The following ITFG1 variants were observed in gnomAD, a reference collection of about 807,000 sequenced individuals.
ITFG1 encodes the protein T-cell immunomodulatory protein.
Under a neutral mutation model 81.8 loss-of-function variants are expected in ITFG1, and 34 were observed. The observed-to-expected ratio is 0.42, with a 90% CI of 0.32 to 0.55. The LOEUF (loss-of-function observed/expected upper bound fraction) is 0.55. ITFG1 is among the 20% of genes least tolerant of loss of function. The pLI is 0.17. For missense variants in ITFG1, 672 were observed against 755.4 expected (o/e 0.89, Z 1.29); for synonymous variants, 285 against 270.6 (o/e 1.05, Z -0.52).
At chr16:47,305,820 T>C (rs540815972) in intron 10 of ITFG1, among the ~76,000 whole-genome samples, 143 of 152,238 alleles carry the variant, frequency 9.4e-4, no homozygotes, top group South Asian at 2.9e-3. Context: ...ATTTCAGACA[T>C]GTAAAGTTTC....
chr16:47,448,855 A>G (rs1969353794), intron 5 of ITFG1: 1 of 152,146 alleles, frequency 6.6e-6, no homozygotes, highest in South Asian at 2.1e-4. Context: ...GCACATTATT[A>G]CATTATTTCA....
intron 5 of ITFG1, chr16:47,450,064 G>GA (rs1250359698): frequency 6.6e-6 from 1 of 152,404 alleles, no homozygotes; most frequent in Non-Finnish European, 1.5e-5. Flanking sequence ...GAGAGGAAAA[G>GA]AAAGGACAGG....
intron 8 of ITFG1, among the ~76,000 whole-genome samples, chr16:47,343,529 TA>T (rs1004914083): frequency 2.9e-4 from 44 of 151,946 alleles, no homozygotes; most frequent in African/African-American, 9.2e-4. Context: ...ACCACCCAGT[TA>T]AAAAATAGGT....
rs765916402 is a variant in ITFG1, at chr16:47,460,891, G to A, written c.155C>T (p.Ala52Val). 6.8e-6 allele frequency: 11 copies of A among 1,613,582 alleles called. No homozygotes were observed. Among genetic ancestry groups the A allele is most frequent in the Non-Finnish European group, 8.5e-6 (10 of 1,180,030 alleles). The change falls in exon 1 of 18, where the codon GCT (alanine) becomes GTT (valine). Residue 52 changes from alanine to valine, a missense_variant. Physicochemically the swap from Ala to Val is moderately conservative, Grantham distance 64. Transcript: ENST00000320640. ...CTTGTCGGAGTTGAGGTCCCCGAAA[G>A]CCGCAAGGGTGCCCCAGGCCTCGGC... Reference protein sequence around the residue: ...FGAEAWGTLAAFGDLNSDKQT... With the variant: ...FGAEAWGTLAVFGDLNSDKQT...
chr16:47,163,958 C>CACAT (rs1489967263), intron 14 of ITFG1, among the ~76,000 whole-genome samples: 13 of 151,354 alleles, frequency 8.6e-5, no homozygotes, highest in African/African-American at 3.2e-4. Context: ...CACACATACA[C>CACAT]ACACACACAC....
At chr16:47,272,865 A>AT (rs1337817166) in intron 10 of ITFG1, among the ~76,000 whole-genome samples, 1 of 150,884 alleles carries the variant, frequency 6.6e-6, no homozygotes, top group Admixed American at 6.6e-5. Context: ...TAAAATGTAC[A>AT]TATTAAATGT....
At chr16:47,354,145 T>G (rs1309044087) in intron 8 of ITFG1, among the ~76,000 whole-genome samples, 1 of 152,130 alleles carries the variant, frequency 6.6e-6, no homozygotes, top group Non-Finnish European at 1.5e-5. Flanking sequence ...ATACCTTACT[T>G]TAAAACATAC....
chr16:47,341,685 T>C (rs1967787030), intron 8 of ITFG1, among the ~76,000 whole-genome samples: 1 of 152,126 alleles, frequency 6.6e-6, no homozygotes, highest in Admixed American at 6.5e-5. Flanking sequence ...GATGAACTTT[T>C]ATCTAGATTG....
chr16:47,172,268 T>C (rs920071546), intron 14 of ITFG1, among the ~76,000 whole-genome samples: 3 of 152,180 alleles, frequency 2.0e-5, no homozygotes, highest in Non-Finnish European at 4.4e-5. Flanking sequence ...GTGGATCACC[T>C]GAGGTCAGGA....
At chr16:47,197,457 C>T (rs974028348) in intron 14 of ITFG1, among the ~76,000 whole-genome samples, 1 of 152,042 alleles carries the variant, frequency 6.6e-6, no homozygotes, top group Non-Finnish European at 1.5e-5. Context: ...CTTGCCTTTC[C>T]AGGCCAAATC....
chr16:47,391,956 G>A (rs967073809), intron 6 of ITFG1, among the ~76,000 whole-genome samples: 1 of 152,058 alleles, frequency 6.6e-6, no homozygotes, highest in African/African-American at 2.4e-5. Context: ...TGTTCTAACT[G>A]GAAATACAAG....
At chr16:47,327,402 G>C (rs1967565762) in intron 8 of ITFG1, among the ~76,000 whole-genome samples, 1 of 152,036 alleles carries the variant, frequency 6.6e-6, no homozygotes, top group Non-Finnish European at 1.5e-5. Flanking sequence ...TACCATTCAG[G>C]ACACAGGCAT....
At chr16:47,175,513 C>A (rs1965014037) in intron 14 of ITFG1, among the ~76,000 whole-genome samples, 2 of 152,114 alleles carry the variant, frequency 1.3e-5, no homozygotes, top group Admixed American at 1.3e-4. Flanking sequence ...AATCCCATGC[C>A]CTTTAGCCTT....
chr16:47,336,987 A>T (rs561008367), intron 8 of ITFG1, among the ~76,000 whole-genome samples: 1 of 149,758 alleles, frequency 6.7e-6, no homozygotes, highest in East Asian at 2.0e-4. Flanking sequence ...AAAAAAAAAG[A>T]GGCTGGGTAC....
intron 6 of ITFG1, among the ~76,000 whole-genome samples, chr16:47,413,694 T>G (rs1215736017): frequency 6.6e-6 from 1 of 152,024 alleles, no homozygotes; most frequent in Non-Finnish European, 1.5e-5. Flanking sequence ...AGACTTTGTC[T>G]GAAAAAAATA....
chr16:47,233,288 A>G (rs1965836744), intron 13 of ITFG1, among the ~76,000 whole-genome samples: 2 of 152,246 alleles, frequency 1.3e-5, no homozygotes, highest in Admixed American at 6.5e-5. Context: ...AGGTGGAAAC[A>G]GAGTCACAGC....
At chr16:47,199,269 C>CCAAA (rs1965395555) in intron 14 of ITFG1, among the ~76,000 whole-genome samples, 1 of 150,628 alleles carries the variant, frequency 6.6e-6, no homozygotes, top group Admixed American at 6.6e-5. Context: ...TCCAAAAAAA[C>CCAAA]CCAAACCAAA....
intron 6 of ITFG1, among the ~76,000 whole-genome samples, chr16:47,409,393 TATATATATATA>T (rs1386731975): frequency 6.0e-4 from 10 of 16,592 alleles, no homozygotes; most frequent in East Asian, 2.6e-3. Context: ...TATATATATA[TATATATATATA>T]TTTTTTTTTT....
intron 8 of ITFG1, among the ~76,000 whole-genome samples, chr16:47,324,461 G>A (rs1421935382): frequency 6.6e-6 from 1 of 152,126 alleles, no homozygotes; most frequent in Non-Finnish European, 1.5e-5. Flanking sequence ...ACATCATAAT[G>A]ACAGGATCAA....
Sources: gnomAD v4.1 joint callset for allele counts (sites outside exome capture counted in the v4.1 genomes callset) on GRCh38, gnomAD v4.1.1 for gene constraint, MANE v1.5 for transcripts, NCBI Gene and HGNC (gene_info 2026-07-23, HGNC 2026-07-21) for gene names.